Variants in BRINP2 observed in about 807,000 individuals in gnomAD.
BRINP2 encodes BMP/retinoic acid-inducible neural-specific protein 2.
Under a neutral mutation model 69.2 loss-of-function variants are expected in BRINP2, and 21 were observed. That is an observed-to-expected ratio of 0.30 (90% CI 0.22 to 0.44). The LOEUF (loss-of-function observed/expected upper bound fraction) is 0.44. Ranked by LOEUF, BRINP2 falls within the 20% of genes least tolerant of loss-of-function variation. The pLI is 1.00. For synonymous variants in BRINP2, 380 were observed against 394.1 expected (o/e 0.96, Z 0.42); for missense variants, 877 against 986.0 (o/e 0.89, Z 1.48).
At chr1:177,212,889 C>A (rs560559632) in intron 1 of BRINP2, among the ~76,000 whole-genome samples, 6 of 152,350 alleles carry the variant, frequency 3.9e-5, no homozygotes, top group African/African-American at 1.2e-4. Context: ...GAACCAAGAT[C>A]TTGAAGCTAG....
At chr1:177,191,478 G>T (rs543710249) in intron 1 of BRINP2, among the ~76,000 whole-genome samples, 1 of 151,996 alleles carries the variant, frequency 6.6e-6, no homozygotes, top group African/African-American at 2.4e-5. Context: ...GTTTTGAGAT[G>T]GAGTCTAGCT....
intron 1 of BRINP2, among the ~76,000 whole-genome samples, chr1:177,228,474 G>T (rs1454987121): frequency 6.6e-6 from 1 of 152,152 alleles, no homozygotes; most frequent in Non-Finnish European, 1.5e-5. Flanking sequence ...GGGGACTCTG[G>T]CAGGGGGCAT....
At chr1:177,189,186 T>A (rs955663598) in intron 1 of BRINP2, among the ~76,000 whole-genome samples, 1 of 152,150 alleles carries the variant, frequency 6.6e-6, no homozygotes, top group Non-Finnish European at 1.5e-5. Context: ...ATAGTTCAAG[T>A]TAGACTTGAT....
At chr1:177,222,245 CCT>C (rs147712445) in intron 1 of BRINP2, among the ~76,000 whole-genome samples, 9,509 of 152,198 alleles carry the variant, frequency 0.062, 379 homozygotes, top group Non-Finnish European at 0.093. Flanking sequence ...GCTAATAACC[CCT>C]GTTGGAGCAA....
rs1402469843 is a variant in BRINP2, at chr1:177,216,798, AC to A, written c.-76-13002del. Among the ~76,000 whole-genome samples the A allele has an allele frequency of 3.7e-4, 45 of 122,490 alleles. 1 individual carries two copies. Among genetic ancestry groups the A allele is most frequent in the Non-Finnish European group, 2.5e-4 (14 of 56,634 alleles). The allele number at this position is 122,490 out of a possible 152,430, so 80.4% of individuals were successfully genotyped here. On this transcript the variant is annotated intron_variant, in intron 1 of 7. Coordinates refer to ENST00000361539, the MANE Select transcript of BRINP2 (RefSeq NM_021165.4). Reference sequence around the variant, plus strand: ...TTGGTAGTTTTTTTTTTTTTTTTTCACTTCACCACTTTGAATATATCATCCA... The same window carrying A: ...TTGGTAGTTTTTTTTTTTTTTTTTCATTCACCACTTTGAATATATCATCCA...
chr1:177,264,026 A>G (rs540310275), intron 4 of BRINP2, among the ~76,000 whole-genome samples: 1 of 152,246 alleles, frequency 6.6e-6, no homozygotes, highest in Admixed American at 6.5e-5. Context: ...CCTAGAAATC[A>G]CTGTGGCATG....
intron 2 of BRINP2, among the ~76,000 whole-genome samples, chr1:177,233,795 G>T (rs113204656): frequency 1.1e-3 from 163 of 152,268 alleles, no homozygotes; most frequent in African/African-American, 3.7e-3. Flanking sequence ...AGTTAAGGAT[G>T]GCTCACTGAG....
intron 1 of BRINP2, among the ~76,000 whole-genome samples, chr1:177,179,338 A>G (rs959892699): frequency 4.6e-5 from 7 of 152,192 alleles, no homozygotes; most frequent in Non-Finnish European, 8.8e-5. Flanking sequence ...GAATCTAAAG[A>G]GGAGAAAAAT....
chr1:177,188,857 T>C (rs1165858619), intron 1 of BRINP2, among the ~76,000 whole-genome samples: 2 of 152,204 alleles, frequency 1.3e-5, no homozygotes, highest in African/African-American at 2.4e-5. Context: ...TGAGAGGTTT[T>C]TTTAAAGAAG....
At chr1:177,189,296 T>C (rs1338943023) in intron 1 of BRINP2, among the ~76,000 whole-genome samples, 1 of 152,202 alleles carries the variant, frequency 6.6e-6, no homozygotes, top group Non-Finnish European at 1.5e-5. Flanking sequence ...TTTCTGCCAT[T>C]GAGTCACTTG....
At chr1:177,224,426 C>T (rs1649633262) in intron 1 of BRINP2, among the ~76,000 whole-genome samples, 2 of 152,132 alleles carry the variant, frequency 1.3e-5, no homozygotes, top group Non-Finnish European at 2.9e-5. Flanking sequence ...AATCATAATG[C>T]CTCTCCCCTT....
chr1:177,215,537 A>G (rs1281421280), intron 1 of BRINP2, among the ~76,000 whole-genome samples: 2 of 152,034 alleles, frequency 1.3e-5, no homozygotes, highest in African/African-American at 4.8e-5. Context: ...TTGCATGTTG[A>G]TTTGTGTCCT....
chr1:177,228,125 G>T (rs1290038468), intron 1 of BRINP2, among the ~76,000 whole-genome samples: 2 of 152,162 alleles, frequency 1.3e-5, no homozygotes, highest in Non-Finnish European at 2.9e-5. Flanking sequence ...ACTAATAATG[G>T]CTATTTAACA....
chr1:177,189,901 G>A (rs1222101090), intron 1 of BRINP2, among the ~76,000 whole-genome samples: 1 of 152,192 alleles, frequency 6.6e-6, no homozygotes, highest in African/African-American at 2.4e-5. Flanking sequence ...GGAAAGGGGT[G>A]TATGTGGGAC....
chr1:177,263,056 T>C (rs2102351880), intron 4 of BRINP2, among the ~76,000 whole-genome samples: 1 of 152,180 alleles, frequency 6.6e-6, no homozygotes, highest in Admixed American at 6.5e-5. Flanking sequence ...GTTGAGAATA[T>C]ACACAAAGGA....
At chr1:177,212,083 AG>A (rs1407329302) in intron 1 of BRINP2, among the ~76,000 whole-genome samples, 37 of 149,444 alleles carry the variant, frequency 2.5e-4, no homozygotes, top group African/African-American at 9.2e-4. Context: ...ATAGATAGAT[AG>A]ATAGATAGAT....
Position 177,270,082 on chromosome 1 carries a change from T to TTG in BRINP2, c.670-3406_670-3405insTG, listed in dbSNP as rs547461505. 1.8e-3 allele frequency among the ~76,000 whole-genome samples: 239 copies of TTG among 130,186 alleles called. 1 individual carries two copies. The highest frequency in any genetic ancestry group is 2.2e-3 in the Non-Finnish European group (139 of 63,224). 85.4% of individuals were successfully genotyped at this position (130,186 alleles called of 152,430 possible). ...GTTTTCCTCACTTTGGGGCAAGGGG[T>TTG]GGGGGGGGTGGTTCTCAAGCTATTC... On this transcript the variant is annotated intron_variant, in intron 4 of 7. Coordinates refer to ENST00000361539, the MANE Select transcript of BRINP2 (RefSeq NM_021165.4).
chr1:177,273,639 A>T (rs1332179708), intron 5 of BRINP2, 46 bp downstream of exon 5: 3 of 1,187,258 alleles, frequency 2.5e-6, no homozygotes, highest in Admixed American at 3.1e-5. Context: ...ACCTGATTTA[A>T]AAAAAAAAAT....
intron 1 of BRINP2, among the ~76,000 whole-genome samples, chr1:177,212,921 T>G (rs1040167737): frequency 6.6e-6 from 1 of 152,218 alleles, no homozygotes. Flanking sequence ...TGGGCACTAC[T>G]GGGTATAATA....
Sources: allele counts gnomAD v4.1 joint callset (sites outside exome capture counted in the v4.1 genomes callset), GRCh38; gene constraint gnomAD v4.1.1; transcripts MANE v1.5; gene names NCBI Gene and HGNC (gene_info 2026-07-23, HGNC 2026-07-21).